Variants in ZBED6 observed in about 807,000 individuals in gnomAD.
The protein encoded by ZBED6 is zinc finger BED domain-containing protein 6.
In ZBED6, 40 loss-of-function variants were observed where a neutral mutation model predicts 58.4. That is an observed-to-expected ratio of 0.68 (90% CI 0.53 to 0.89). ZBED6 has a LOEUF of 0.89. Among genes scored for constraint, ZBED6 ranks in the 40% least tolerant of loss-of-function variants. The pLI is 0.00. For synonymous variants in ZBED6, 439 were observed against 350.6 expected, an observed-to-expected ratio of 1.25 and a Z score of -2.82; for missense variants, 1,057 against 1,003.9, an observed-to-expected ratio of 1.05 and a Z score of -0.71.
At chr1:203,848,254 A>G in intron 12 of ZBED6, 77 bp from the exon 13 acceptor site, 1 of 1,215,024 alleles carries the variant, frequency 8.2e-7, no homozygotes. Flanking sequence ...TTCATTAAAT[A>G]AAGTTTTGTT....
intron 2 of ZBED6, 47 bp from the exon 3 acceptor site, chr1:203,818,523 G>C (rs1477736851): frequency 1.2e-6 from 2 of 1,611,396 alleles, no homozygotes; most frequent in Non-Finnish European, 1.7e-6. Context: ...ATTTTACCTA[G>C]GATGTATTTC....
Position 203,799,553 on chromosome 1 carries a change from C to T in ZBED6, c.2031C>T (p.Leu677=), listed in dbSNP as rs1270033757. ...TTGGTAGAGCCAGTGGAGTTGTGCT[C>T]ACCTCCCTTCAGTGGACTCTAATGA... The change falls in exon 1 of 17, where the codon CTC becomes CTT. Residue 677 remains leucine, a synonymous_variant. Transcript: ENST00000550078. The T allele has an allele frequency of 7.1e-6, 5 of 702,980 alleles. No homozygotes were observed. The Admixed American group carries it at 1.0e-4, about 14-fold the overall frequency. The allele number at this position is 702,980 out of a possible 1,614,324, so 43.5% of individuals were successfully genotyped here.
chr1:203,826,766 CG>C (rs1021837639), intron 3 of ZBED6, among the ~76,000 whole-genome samples: 1 of 152,120 alleles, frequency 6.6e-6, no homozygotes, highest in African/African-American at 2.4e-5. Flanking sequence ...TGCAGTTCAT[CG>C]GAGGTTAGTT....
intron 3 of ZBED6, among the ~76,000 whole-genome samples, chr1:203,825,428 A>ATTT (rs59157538): frequency 1.1e-4 from 9 of 81,630 alleles, no homozygotes; most frequent in East Asian, 9.6e-4. Flanking sequence ...ACTGTGGAGG[A>ATTT]TTTTTTTTTT....
At chr1:203,803,041 C>CGCATGA in intron 1 of ZBED6, 25 bp downstream of exon 1, 1 of 152,544 alleles carries the variant, frequency 6.6e-6, no homozygotes, top group East Asian at 1.9e-4. Flanking sequence ...AGGCATTTTT[C>CGCATGA]GCATGAAAGG....
intron 11 of ZBED6, among the ~76,000 whole-genome samples, chr1:203,845,852 CA>C (rs1312650677): frequency 6.6e-6 from 1 of 152,006 alleles, no homozygotes; most frequent in Admixed American, 6.6e-5. Context: ...GGCAACAGAG[CA>C]AAACTCTGTC....
intron 11 of ZBED6, among the ~76,000 whole-genome samples, chr1:203,841,833 A>AC (rs1337425691): frequency 4.8e-5 from 7 of 144,512 alleles, no homozygotes; most frequent in Non-Finnish European, 9.3e-5. Flanking sequence ...GGGGCTCCTC[A>AC]CTTCGCAGAC....
chr1:203,805,127 T>A (rs1025815911), intron 1 of ZBED6, among the ~76,000 whole-genome samples: 1 of 148,774 alleles, frequency 6.7e-6, no homozygotes, highest in African/African-American at 2.5e-5. Flanking sequence ...AAATACCCAC[T>A]TCTGATACAG....
intron 1 of ZBED6, among the ~76,000 whole-genome samples, chr1:203,816,053 C>T (rs11799648): frequency 3.3e-5 from 5 of 152,090 alleles, no homozygotes; most frequent in East Asian, 1.9e-4. Flanking sequence ...TAAGCTAGAT[C>T]GATAGACCTT....
chr1:203,818,252 C>T (rs1485490872), intron 2 of ZBED6, among the ~76,000 whole-genome samples: 3 of 149,756 alleles, frequency 2.0e-5, no homozygotes, highest in Admixed American at 6.6e-5. Context: ...TTACACAAGG[C>T]GAGATGTCAG....
exon 13 of ZBED6, chr1:203,848,384 A>T (rs1453716304): frequency 6.2e-7 from 1 of 1,613,394 alleles, no homozygotes; most frequent in Non-Finnish European, 8.5e-7. Context: ...TTCTCAGAGC[A>T]GTATTAGAAC....
At chr1:203,844,045 C>G (rs59665117) in intron 11 of ZBED6, among the ~76,000 whole-genome samples, 2 of 151,870 alleles carry the variant, frequency 1.3e-5, no homozygotes, top group African/African-American at 4.8e-5. Context: ...TTAGTAGAAA[C>G]GGGGCTTCTC....
chr1:203,837,887 G>A, intron 9 of ZBED6, 79 bp from the exon 10 acceptor site: 2 of 1,334,226 alleles, frequency 1.5e-6, no homozygotes, highest in Non-Finnish European at 2.1e-6. Flanking sequence ...ATTATGCTAT[G>A]TTGTCTGTTT....
In ZBED6 at chr1:203,829,432, A is replaced by C. The variant is rs376210430; in HGVS notation, c.*2998-19A>C. On this transcript the variant is annotated intron_variant, in intron 4 of 16. Transcript: ENST00000550078. ...TTGTATCTTCTGTTTTTAATTTATG[A>C]CTGATTTTGTGCGTTTAGCTGTGTT... 32 of 1,613,584 alleles carry C rather than the reference A, an allele frequency of 2.0e-5. No individual in the cohort carries two copies. Among genetic ancestry groups the C allele is most frequent in the Non-Finnish European group, 2.7e-5 (32 of 1,179,628 alleles).
At chr1:203,847,383 A>C (rs1688180877) in exon 12 of ZBED6, 6 of 1,614,022 alleles carry the variant, frequency 3.7e-6, no homozygotes, top group African/African-American at 1.3e-5. Flanking sequence ...CTGAAAAAAA[A>C]CATCGGCAGC....
chr1:203,799,766 A>C (rs1378913770), exon 1 of ZBED6: 7 of 943,986 alleles, frequency 7.4e-6, no homozygotes, highest in Non-Finnish European at 1.2e-5. Context: ...TATCTCTGAA[A>C]CTTGAAACAG....
chr1:203,801,372 T>G (rs1484260226), exon 1 of ZBED6: 1 of 152,170 alleles, frequency 6.6e-6, no homozygotes, highest in Non-Finnish European at 1.5e-5. Flanking sequence ...TAATGAAAAC[T>G]AAGCAGTCGG....
rs539648000 is a variant in ZBED6 at position 203,799,187 on chromosome 1, C to G, written c.1665C>G (p.Phe555Leu). 67 of 1,234,606 alleles carry G rather than the reference C, an allele frequency of 5.4e-5. 1 individual carries two copies. The Admixed American group carries it at 1.2e-3, about 23-fold the overall frequency. The allele number at this position is 1,234,606 out of a possible 1,614,324, so 76.5% of individuals were successfully genotyped here. Residue 555 changes from phenylalanine to leucine, a missense_variant, in exon 1 of 17, where the codon TTC (phenylalanine) becomes TTG (leucine). Transcript: ENST00000550078. Reference sequence around the variant, plus strand: ...TTGGTCTGTGGCTTTCTCCAAATTTCCTTATCCCTAGCTTCATTGTTTCTG... The same window carrying G: ...TTGGTCTGTGGCTTTCTCCAAATTTGCTTATCCCTAGCTTCATTGTTTCTG...
At chr1:203,795,717 G>T (rs1668166004) in exon 1 of ZBED6, 1 of 152,216 alleles carries the variant, frequency 6.6e-6, no homozygotes, top group Admixed American at 6.5e-5. Context: ...GACGGCAGCG[G>T]CCAAGCAAGA....
Sources: allele counts gnomAD v4.1 joint callset (sites outside exome capture counted in the v4.1 genomes callset), GRCh38; gene constraint gnomAD v4.1.1; transcripts MANE v1.5; gene names NCBI Gene and HGNC (gene_info 2026-07-23, HGNC 2026-07-21).